SEPTIN9: variants seen among roughly 807,000 people sequenced by gnomAD.
SEPTIN9 encodes the protein septin-9.
A neutral mutation model predicts 56.6 loss-of-function variants in SEPTIN9; 13 were observed. The observed-to-expected ratio is 0.23, with a 90% confidence interval of 0.15 to 0.37. The LOEUF (loss-of-function observed/expected upper bound fraction) is 0.37. Ranked by LOEUF, SEPTIN9 falls within the 10% of genes least tolerant of loss-of-function variation. The pLI, the probability that SEPTIN9 is intolerant of heterozygous loss-of-function variation, is 1.00. For synonymous variants in SEPTIN9, 332 were observed against 334.1 expected, an observed-to-expected ratio of 0.99 and a Z score of 0.07; for missense variants, 650 against 823.1, an observed-to-expected ratio of 0.79 and a Z score of 2.57.
In SEPTIN9 at chr17:77,492,645, G is replaced by A. The variant is rs1039884847; in HGVS notation, c.1405G>A (p.Gly469Ser). The part of the protein sequence containing the change: ...QRITADLLSN[G>S]IDVYPQKEFD... ...GATCACCGCAGACCTGCTGTCCAAC[G>A]GCATCGACGTGTACCCCCAGAAGGA... The change falls in exon 9 of 12, where the codon GGC becomes AGC. Residue 469 changes from glycine (G) to serine (S), a missense_variant. Around this residue, in one of 2 missense-constraint regions of SEPTIN9, gnomAD observed 333 missense variants for 494.0 expected, o/e 0.67. Transcript: ENST00000427177. The surrounding 1 kb of genome is among the most constrained non-coding windows in gnomAD (Gnocchi z 5.4). The A allele has an allele frequency of 6.8e-6, 11 of 1,613,988 alleles. No homozygotes were observed. The highest frequency in any genetic ancestry group is 1.6e-4 in the Middle Eastern group (1 of 6,084).
intron 4 of SEPTIN9, among the ~76,000 whole-genome samples, chr17:77,485,202 G>C (rs1212151576): frequency 4.6e-5 from 7 of 151,700 alleles, no homozygotes. Flanking sequence ...TGGTGGTGAT[G>C]GTGATGATTG....
At chr17:77,315,638 T>C (rs2032672002) in intron 2 of SEPTIN9, among the ~76,000 whole-genome samples, 2 of 152,174 alleles carry the variant, frequency 1.3e-5, no homozygotes, top group African/African-American at 2.4e-5. Context: ...GCAAAGCAGG[T>C]TGAGTGAGTG....
At chr17:77,322,910 GC>G (rs2032991217) in intron 2 of SEPTIN9, 1 of 152,514 alleles carries the variant, frequency 6.6e-6, no homozygotes, top group Non-Finnish European at 1.5e-5. Context: ...ACAGAGGCCT[GC>G]CCGGCAGATG....
intron 2 of SEPTIN9, among the ~76,000 whole-genome samples, chr17:77,388,090 C>T (rs182734567): frequency 2.5e-3 from 380 of 152,298 alleles, no homozygotes; most frequent in African/African-American, 4.3e-3. Context: ...GGGGCCCCCT[C>T]GCTGTGTCTG....
intron 2 of SEPTIN9, among the ~76,000 whole-genome samples, chr17:77,311,469 G>A (rs1318508385): frequency 6.6e-6 from 1 of 152,188 alleles, no homozygotes; most frequent in Non-Finnish European, 1.5e-5. Flanking sequence ...GGGGACGCCT[G>A]CACAAGTAGG....
Position 77,330,677 on chromosome 17 carries a change from G to C in SEPTIN9, c.76+23480G>C, listed in dbSNP as rs142620651. 1.3e-5 allele frequency among the ~76,000 whole-genome samples: 2 copies of C among 152,352 alleles called. No individual in the cohort carries two copies. Among genetic ancestry groups the C allele is most frequent in the East Asian group, 3.9e-4 (2 of 5,190 alleles). ...TAAAGCCTAAAGCCTGCTGTCAGGAGCCTCGCTTGCCTCTCAGAGAGCACA... is the reference window on the plus strand; with the variant it reads ...TAAAGCCTAAAGCCTGCTGTCAGGACCCTCGCTTGCCTCTCAGAGAGCACA... On this transcript the variant is annotated intron_variant, in intron 2 of 11. Coordinates refer to ENST00000427177, the MANE Select transcript of SEPTIN9 (RefSeq NM_001113491.2). This position sits in a 1 kb window ranked among gnomAD's most constrained non-coding sequence, Gnocchi z 4.4.
chr17:77,492,876 C>A lies in SEPTIN9; in HGVS notation c.1477-104C>A. ...CCCAGTGCTGTCAGGCTGAGGCTCT[C>A]GTTTTTGGGGGACCCCAGGCTCAGG... is the stretch of plus-strand genomic sequence containing the variant. On this transcript the variant is annotated intron_variant, in intron 9 of 11. Coordinates refer to ENST00000427177, the MANE Select transcript of SEPTIN9 (RefSeq NM_001113491.2). The surrounding 1 kb of genome is among the most constrained non-coding windows in gnomAD (Gnocchi z 5.4). 2 of 1,260,158 alleles carry A rather than the reference C, an allele frequency of 1.6e-6. No individual in the cohort carries two copies. Among genetic ancestry groups the A allele is most frequent in the Non-Finnish European group, 1.1e-6 (1 of 874,256 alleles). 78.1% of individuals were successfully genotyped at this position (1,260,158 alleles called of 1,614,324 possible). A position where few individuals can be genotyped will look rare whatever the true frequency, so the allele number is the denominator to read the frequency against.
rs2039234484 is a variant in SEPTIN9 at position 77,476,892 on chromosome 17, T to C, written c.722-5252T>C. Among the ~76,000 whole-genome samples the C allele has an allele frequency of 6.6e-6, 1 of 152,240 alleles. No homozygotes were observed. Among genetic ancestry groups the C allele is most frequent in the Non-Finnish European group, 1.5e-5 (1 of 68,034 alleles). On this transcript the variant is annotated intron_variant, in intron 3 of 11. Coordinates refer to ENST00000427177, the MANE Select transcript of SEPTIN9 (RefSeq NM_001113491.2). The surrounding 1 kb of genome is among the most constrained non-coding windows in gnomAD (Gnocchi z 6.0). Reference sequence around the variant, plus strand: ...CTGTCCTCTGAGCTGTAAAGCTGGCTCCTGGGCACTTGTGGAAAACACTGG... The same window carrying C: ...CTGTCCTCTGAGCTGTAAAGCTGGCCCCTGGGCACTTGTGGAAAACACTGG...
At chr17:77,296,467 A>G (rs2031818361) in intron 1 of SEPTIN9, among the ~76,000 whole-genome samples, 1 of 152,184 alleles carries the variant, frequency 6.6e-6, no homozygotes, top group South Asian at 2.1e-4. Context: ...ACAGACAGAC[A>G]CAAACAGGCA....
chr17:77,358,666 T>A (rs915557266), intron 2 of SEPTIN9, among the ~76,000 whole-genome samples: 1 of 152,050 alleles, frequency 6.6e-6, no homozygotes, highest in Non-Finnish European at 1.5e-5. Flanking sequence ...TAAAATAAAA[T>A]AAAAATTAAA....
intron 2 of SEPTIN9, chr17:77,373,673 C>A: frequency 7.0e-7 from 1 of 1,424,190 alleles, no homozygotes; most frequent in Non-Finnish European, 9.2e-7. Context: ...AGACGGGACC[C>A]CTAATCCAGG....
In SEPTIN9 at chr17:77,402,430, A is replaced by G; in HGVS notation, c.448A>G (p.Thr150Ala). The change falls in exon 3 of 12, where the codon ACG becomes GCG. Residue 150 changes from threonine (T) to alanine (A), a missense_variant. Coordinates refer to ENST00000427177, the MANE Select transcript of SEPTIN9 (RefSeq NM_001113491.2). This position sits in a 1 kb window ranked among gnomAD's most constrained non-coding sequence, Gnocchi z 6.6. ...GACGCCAGAACCGGCCCCTCGGAGG[A>G]CGGAGATCACCATCGTCAAACCCCA... Reference protein sequence around the residue: ...HKTPEPAPRRTEITIVKPQES... With the variant: ...HKTPEPAPRRAEITIVKPQES... The G allele has an allele frequency of 6.2e-7, 1 of 1,610,690 alleles. No homozygotes were observed. Among genetic ancestry groups the G allele is most frequent in the Non-Finnish European group, 8.5e-7 (1 of 1,178,940 alleles).
intron 2 of SEPTIN9, among the ~76,000 whole-genome samples, chr17:77,324,974 A>G (rs942978876): frequency 6.6e-6 from 1 of 151,828 alleles, no homozygotes; most frequent in African/African-American, 2.4e-5. Context: ...ACCCGCCACC[A>G]CACCCAGCTA....
intron 2 of SEPTIN9, among the ~76,000 whole-genome samples, chr17:77,343,039 A>ATCTG (rs1568003965): frequency 2.7e-5 from 4 of 147,468 alleles, no homozygotes; most frequent in Non-Finnish European, 1.5e-5. Context: ...CTATCTATCT[A>ATCTG]TCTAGTCTCT....
At chr17:77,495,811 G>C (rs1005310984) in intron 10 of SEPTIN9, among the ~76,000 whole-genome samples, 1 of 152,200 alleles carries the variant, frequency 6.6e-6, no homozygotes, top group African/African-American at 2.4e-5. Context: ...AGCACTTGAG[G>C]GCTGGGCAAG....
In SEPTIN9 at chr17:77,450,426, A is replaced by G. The variant is rs1215128139; in HGVS notation, c.722-31718A>G. On this transcript the variant is annotated intron_variant, in intron 3 of 11. Transcript: ENST00000427177. The surrounding 1 kb of genome is among the most constrained non-coding windows in gnomAD (Gnocchi z 6.0). ...AAGGTGTCACCAAAGGCTTCTTTCC[A>G]TTTGAGTGAATCCCTCCCAGCCCCC... The G allele has an allele frequency of 2.1e-6, 2 of 957,552 alleles. No individual in the cohort carries two copies. Among genetic ancestry groups the G allele is most frequent in the African/African-American group, 3.5e-5 (2 of 56,564 alleles). The allele number at this position is 957,552 out of a possible 1,614,324, so 59.3% of individuals were successfully genotyped here. A position where few individuals can be genotyped will look rare whatever the true frequency, so the allele number is the denominator to read the frequency against.
rs1248543698 is a variant in SEPTIN9 at position 77,450,104 on chromosome 17, G to A, written c.722-32040G>A. On this transcript the variant is annotated intron_variant, in intron 3 of 11. Transcript: ENST00000427177. This position sits in a 1 kb window ranked among gnomAD's most constrained non-coding sequence, Gnocchi z 6.0. The stretch of plus-strand genomic sequence containing the variant: ...CCAGTAGCAGCAGCTCCCCACGGCC[G>A]TTCACTGTGAGGGTGGGGAGGGCCG... 1.3e-5 allele frequency among the ~76,000 whole-genome samples: 2 copies of A among 152,180 alleles called. No individual in the cohort carries two copies. The highest frequency in any genetic ancestry group is 1.5e-5 in the Non-Finnish European group (1 of 68,028).
chr17:77,334,743 A>T (rs2033480244), intron 2 of SEPTIN9, among the ~76,000 whole-genome samples: 1 of 151,968 alleles, frequency 6.6e-6, no homozygotes, highest in Non-Finnish European at 1.5e-5. Flanking sequence ...AATTTTTTAA[A>T]TTTTTACATT....
At chr17:77,478,758 C>G (rs182557336) in intron 3 of SEPTIN9, among the ~76,000 whole-genome samples, 2 of 149,906 alleles carry the variant, frequency 1.3e-5, no homozygotes. Context: ...GAGCCGAGAT[C>G]GCGCCATTGC....
Sources: allele counts gnomAD v4.1 joint callset (sites outside exome capture counted in the v4.1 genomes callset), GRCh38; gene constraint gnomAD v4.1.1; regional missense constraint gnomAD v4.1.1; non-coding constraint Gnocchi (gnomAD v3.1); transcripts MANE v1.5; gene names NCBI Gene and HGNC (gene_info 2026-07-23, HGNC 2026-07-21).